The following DIAPH3 variants were observed in gnomAD, a reference collection of about 807,000 sequenced individuals.
DIAPH3 encodes the protein protein diaphanous homolog 3.
A neutral mutation model predicts 144.3 loss-of-function variants in DIAPH3; 117 were observed. The ratio of observed to expected loss-of-function variants is 0.81; its 90% CI spans 0.70 to 0.95. The LOEUF (loss-of-function observed/expected upper bound fraction) is 0.95, where lower values mean the gene tolerates loss of function less well. DIAPH3 is among the 40% of genes least tolerant of loss of function. The probability of loss-of-function intolerance (pLI) is 0.00; values close to 1 mark genes in which losing one functional copy is unlikely to be tolerated. For missense variants in DIAPH3, 1,421 were observed against 1,412.7 expected (o/e 1.01, Z -0.09); for synonymous variants, 519 against 488.9 (o/e 1.06, Z -0.81).
intron 5 of DIAPH3, among the ~76,000 whole-genome samples, chr13:60,033,414 A>G (rs2054954864): frequency 6.6e-6 from 1 of 152,190 alleles, no homozygotes; most frequent in Non-Finnish European, 1.5e-5. Context: ...TCTAAGGAAA[A>G]GAGGTTTAAT....
intron 27 of DIAPH3, among the ~76,000 whole-genome samples, chr13:59,772,177 G>A (rs1202148756): frequency 6.6e-6 from 1 of 151,944 alleles, no homozygotes; most frequent in African/African-American, 2.4e-5. Context: ...ACTCCAAAAT[G>A]TCATCCTATA....
At chr13:60,144,924 G>T (rs192919816) in intron 1 of DIAPH3, 1 of 152,104 alleles carries the variant, frequency 6.6e-6, no homozygotes. Flanking sequence ...TATTGTATAG[G>T]GATCTGTTCC....
In DIAPH3 at chr13:59,879,375, T is replaced by C. The variant is rs2044851556; in HGVS notation, c.2461A>G (p.Met821Val). The change falls in exon 21 of 28, where the codon ATG becomes GTG. Residue 821 changes from methionine (M) to valine (V), a missense_variant. Transcript: ENST00000400324. ...EQVNNIKPDI[M>V]AVSTACEEIK... ...TCTTCGCAGGCAGTACTGACAGCCA[T>C]GATGTCAGGTTTGATGTTGTTCACC... is the stretch of plus-strand genomic sequence containing the variant. 6.2e-7 allele frequency: 1 copy of C among 1,613,872 alleles called. No homozygotes were observed.
chr13:59,975,182 G>C (rs1247977447), intron 14 of DIAPH3, among the ~76,000 whole-genome samples: 1 of 150,962 alleles, frequency 6.6e-6, no homozygotes, highest in Non-Finnish European at 1.5e-5. Context: ...ACAAACACAA[G>C]CATTTGACTT....
intron 17 of DIAPH3, among the ~76,000 whole-genome samples, chr13:59,948,848 GGAA>G (rs1281750776): frequency 5.0e-5 from 3 of 60,504 alleles, no homozygotes; most frequent in African/African-American, 1.2e-4. Context: ...AAAGAAGGAA[GGAA>G]GGAAGGAAGG....
At chr13:59,809,078 T>A (rs530348150) in intron 25 of DIAPH3, among the ~76,000 whole-genome samples, 1 of 152,348 alleles carries the variant, frequency 6.6e-6, no homozygotes, top group South Asian at 2.1e-4. Context: ...CAAGTTTCAA[T>A]CTTTCAAATT....
intron 27 of DIAPH3, among the ~76,000 whole-genome samples, chr13:59,756,760 G>T (rs972457027): frequency 6.6e-6 from 1 of 152,072 alleles, no homozygotes; most frequent in Non-Finnish European, 1.5e-5. Flanking sequence ...CTGGGATTTA[G>T]GTCTGTCTCT....
chr13:59,805,366 A>T (rs2040138646), intron 25 of DIAPH3, among the ~76,000 whole-genome samples: 2 of 152,074 alleles, frequency 1.3e-5, no homozygotes, highest in African/African-American at 4.8e-5. Context: ...ATTAAGAAAA[A>T]GTTGTGCATA....
intron 4 of DIAPH3, among the ~76,000 whole-genome samples, chr13:60,054,978 C>A (rs1030816820): frequency 1.3e-5 from 2 of 151,862 alleles, no homozygotes; most frequent in Non-Finnish European, 1.5e-5. Flanking sequence ...CAGAAAGGTG[C>A]ATTCACCAAC....
At chr13:59,679,595 A>G (rs1391062667) in intron 27 of DIAPH3, among the ~76,000 whole-genome samples, 1 of 152,260 alleles carries the variant, frequency 6.6e-6, no homozygotes, top group Non-Finnish European at 1.5e-5. Context: ...AGGTTCTGAC[A>G]GCAGGAAAAT....
At chr13:59,908,963 T>A (rs1430760958) in intron 20 of DIAPH3, among the ~76,000 whole-genome samples, 1 of 152,148 alleles carries the variant, frequency 6.6e-6, no homozygotes, top group African/African-American at 2.4e-5. Context: ...GTGTGATGAT[T>A]TTTCAGGTAA....
rs2040437265 is a variant in DIAPH3 at position 59,810,917 on chromosome 13, T to C, written c.3034A>G (p.Ile1012Val). 7 of 1,463,090 alleles carry C rather than the reference T, an allele frequency of 4.8e-6. No individual in the cohort carries two copies. Among genetic ancestry groups the C allele is most frequent in the Middle Eastern group, 1.8e-4 (1 of 5,652 alleles). The allele number at this position is 1,463,090 out of a possible 1,614,324, so 90.6% of individuals were successfully genotyped here. Residue 1012 changes from isoleucine (I) to valine (V), a missense_variant, in exon 25 of 28, where the codon ATA (isoleucine) becomes GTA (valine). By Grantham distance (29) the Ile-to-Val change is conservative. Transcript: ENST00000400324. ...NNFRTTFMQA[I>V]KENIKKREAE... The stretch of plus-strand genomic sequence containing the variant: ...TCTCTTTTTTTGATATTCTCCTTTA[T>C]TGCTTGCTAAAAAAATTTTGAAAAA...
At chr13:59,805,759 C>G (rs571603265) in intron 25 of DIAPH3, among the ~76,000 whole-genome samples, 4 of 152,018 alleles carry the variant, frequency 2.6e-5, no homozygotes, top group African/African-American at 9.6e-5. Context: ...AGACTGCTTT[C>G]TTAGTTTGGT....
intron 17 of DIAPH3, among the ~76,000 whole-genome samples, chr13:59,949,672 T>A (rs1007657751): frequency 6.6e-6 from 1 of 152,196 alleles, no homozygotes; most frequent in South Asian, 2.1e-4. Context: ...AGAGACCATA[T>A]GACCTACAAA....
At chr13:59,907,391 C>T (rs2046793090) in intron 20 of DIAPH3, among the ~76,000 whole-genome samples, 1 of 152,100 alleles carries the variant, frequency 6.6e-6, no homozygotes, top group Non-Finnish European at 1.5e-5. Context: ...TCTAAAACAC[C>T]ATTTGGCCAG....
chr13:59,733,711 C>T (rs1157920711), intron 27 of DIAPH3, among the ~76,000 whole-genome samples: 2 of 152,192 alleles, frequency 1.3e-5, no homozygotes, highest in Non-Finnish European at 2.9e-5. Context: ...TTATCAACCT[C>T]GACAGTTCAA....
At chr13:59,796,995 A>G (rs1459438701) in intron 25 of DIAPH3, among the ~76,000 whole-genome samples, 1 of 152,180 alleles carries the variant, frequency 6.6e-6, no homozygotes, top group East Asian at 1.9e-4. Flanking sequence ...GCCTGCTATT[A>G]CTTAGCTACT....
chr13:59,730,241 C>G (rs1485133900), intron 27 of DIAPH3, among the ~76,000 whole-genome samples: 1 of 152,208 alleles, frequency 6.6e-6, no homozygotes, highest in Non-Finnish European at 1.5e-5. Context: ...TTCTTCAATT[C>G]CCCTCAGGCC....
intron 5 of DIAPH3, among the ~76,000 whole-genome samples, chr13:60,023,624 G>A (rs1470778473): frequency 6.6e-6 from 1 of 151,704 alleles, no homozygotes; most frequent in Non-Finnish European, 1.5e-5. Context: ...AGTAGAGACA[G>A]GGTTTCACCA....
Sources: gnomAD v4.1 joint callset for allele counts (sites outside exome capture counted in the v4.1 genomes callset) on GRCh38, gnomAD v4.1.1 for gene constraint, MANE v1.5 for transcripts, NCBI Gene and HGNC (gene_info 2026-07-23, HGNC 2026-07-21) for gene names.